SCAF11: variants seen among roughly 807,000 people sequenced by gnomAD.
SCAF11 encodes the protein SR-related CTD associated factor 11.
In SCAF11, 47 loss-of-function variants were observed where a neutral mutation model predicts 140.5. The ratio of observed to expected loss-of-function variants is 0.33; its 90% CI spans 0.26 to 0.43. The LOEUF is 0.43. Among genes scored for constraint, SCAF11 ranks in the 20% least tolerant of loss-of-function variants. The pLI, the probability that SCAF11 is intolerant of heterozygous loss-of-function variation, is 1.00. For missense variants in SCAF11, 1,645 were observed against 1,705.1 expected (o/e 0.96, Z 0.62); for synonymous variants, 557 against 579.4 (o/e 0.96, Z 0.55).
intron 6 of SCAF11, among the ~76,000 whole-genome samples, chr12:45,941,152 C>A (rs1216986935): frequency 6.6e-6 from 1 of 152,084 alleles, no homozygotes; most frequent in Non-Finnish European, 1.5e-5. Context: ...AAACTGTTCA[C>A]CATTAAAATA....
chr12:45,933,145 T>TAATG lies in SCAF11; in HGVS notation c.716_719dup (p.Leu240PhefsTer16). On this transcript the variant is annotated frameshift_variant, in exon 9 of 15. Coordinates refer to ENST00000369367, the MANE Select transcript of SCAF11 (RefSeq NM_004719.3). LOFTEE classifies it high-confidence loss of function. ...TTTATTTTTACCTTCCAATTCCAGG[T>TAATG]AATGTATCAGGAAACCATGACAATT... The TAATG allele has an allele frequency of 6.2e-7, 1 of 1,608,574 alleles. No individual in the cohort carries two copies. The highest frequency in any genetic ancestry group is 8.5e-7 in the Non-Finnish European group (1 of 1,177,096).
At chr12:45,960,542 T>C (rs1192549662) in intron 3 of SCAF11, 3 of 152,150 alleles carry the variant, frequency 2.0e-5, no homozygotes, top group African/African-American at 4.8e-5. Flanking sequence ...GAGAGAGATT[T>C]ACCAACCATA....
intron 3 of SCAF11, among the ~76,000 whole-genome samples, 181 bp from the exon 4 acceptor site, chr12:45,951,908 T>C (rs548759061): frequency 3.3e-5 from 5 of 152,324 alleles, no homozygotes; most frequent in African/African-American, 9.6e-5. Flanking sequence ...GTATGCTAGA[T>C]AGTTGGAATA....
intron 3 of SCAF11, 148 bp from the exon 4 acceptor site, chr12:45,951,875 C>G (rs1945558630): frequency 9.4e-6 from 5 of 529,744 alleles, no homozygotes; most frequent in Non-Finnish European, 1.7e-5. Flanking sequence ...TTCATTCATT[C>G]AAACATTTAC....
chr12:45,933,050 G>A (rs1178805741), intron 9 of SCAF11, 81 bp downstream of exon 9: 1 of 888,854 alleles, frequency 1.1e-6, no homozygotes, highest in Admixed American at 2.4e-5. Flanking sequence ...AATTGAATAA[G>A]GTACCCTTGT....
intron 11 of SCAF11, among the ~76,000 whole-genome samples, chr12:45,925,310 TG>T (rs1944832748): frequency 6.6e-6 from 1 of 152,132 alleles, no homozygotes; most frequent in Non-Finnish European, 1.5e-5. Flanking sequence ...CCCAGCACTT[TG>T]GGAGGCCAAG....
intron 5 of SCAF11, among the ~76,000 whole-genome samples, chr12:45,947,678 A>C (rs1945455633): frequency 6.6e-6 from 1 of 152,094 alleles, no homozygotes; most frequent in East Asian, 1.9e-4. Flanking sequence ...AAGCATTCAG[A>C]ATTTTGGTTT....
intron 6 of SCAF11, among the ~76,000 whole-genome samples, chr12:45,936,977 T>C (rs1256497053): frequency 7.8e-6 from 1 of 128,006 alleles, no homozygotes; most frequent in Non-Finnish European, 1.5e-5. Context: ...CCCAATCCTC[T>C]ATGTGGTCTG....
chr12:45,945,425 G>A (rs1047762673), intron 5 of SCAF11, 112 bp from the exon 6 acceptor site: 2 of 646,810 alleles, frequency 3.1e-6, no homozygotes, highest in African/African-American at 1.9e-5. Flanking sequence ...CACTGATTTT[G>A]GTAACTATGC....
chr12:45,923,191 T>G lies in SCAF11; in HGVS notation c.3907-37A>C, dbSNP rs551181161. ...AGTTATCATCAGTTAATGAATTACT[T>G]GTACTCGATAGAAGTCTTTTAGTGA... On this transcript the variant is annotated intron_variant, in intron 12 of 14. Coordinates refer to ENST00000369367, the MANE Select transcript of SCAF11 (RefSeq NM_004719.3). The G allele has an allele frequency of 1.2e-5, 19 of 1,558,632 alleles. No individual in the cohort carries two copies. In the African/African-American group the frequency reaches 1.5e-4, roughly 12 times the overall value.
At chr12:45,930,457 T>G (rs1295760909) in intron 10 of SCAF11, among the ~76,000 whole-genome samples, 3 of 126,274 alleles carry the variant, frequency 2.4e-5, no homozygotes, top group Non-Finnish European at 4.8e-5. Flanking sequence ...TTTTTTTTTG[T>G]TTTTTTTTTT....
At chr12:45,951,243 C>A (rs1032137727) in intron 4 of SCAF11, among the ~76,000 whole-genome samples, 2 of 152,062 alleles carry the variant, frequency 1.3e-5, no homozygotes, top group African/African-American at 2.4e-5. Flanking sequence ...TCTAATACTT[C>A]ATTTCAAACA....
chr12:45,943,419 A>G (rs1945350726), intron 6 of SCAF11, among the ~76,000 whole-genome samples: 1 of 152,198 alleles, frequency 6.6e-6, no homozygotes, highest in Admixed American at 6.6e-5. Context: ...GTACAATAAG[A>G]AATTTTGAGA....
At chr12:45,956,215 T>G (rs1313195559) in intron 3 of SCAF11, 1 of 713,336 alleles carries the variant, frequency 1.4e-6, no homozygotes, top group Non-Finnish European at 2.6e-6. Context: ...GAAACAAGTG[T>G]TAAGACAAGT....
chr12:45,940,860 T>TG (rs1565670036), intron 6 of SCAF11, among the ~76,000 whole-genome samples: 1 of 152,208 alleles, frequency 6.6e-6, no homozygotes, highest in Non-Finnish European at 1.5e-5. Flanking sequence ...TGGAGTGCAG[T>TG]GGCATGATCA....
intron 3 of SCAF11, chr12:45,955,128 A>AAAT (rs1032315121): frequency 1.3e-5 from 2 of 152,072 alleles, no homozygotes; most frequent in Non-Finnish European, 1.5e-5. Context: ...TAACACCAAA[A>AAAT]AATAAGTTAA....
At chr12:45,943,174 T>G (rs575599071) in intron 6 of SCAF11, among the ~76,000 whole-genome samples, 35 of 152,292 alleles carry the variant, frequency 2.3e-4, no homozygotes, top group Admixed American at 2.2e-3. Context: ...AAAAGTAACA[T>G]CACAGCAAAA....
At chr12:45,945,885 TCTCA>T (rs1301735753) in intron 5 of SCAF11, among the ~76,000 whole-genome samples, 2 of 151,886 alleles carry the variant, frequency 1.3e-5, no homozygotes, top group African/African-American at 4.8e-5. Flanking sequence ...AGACACGAGG[TCTCA>T]CTATGTTGCC....
In SCAF11 at chr12:45,984,419, C is replaced by T. The variant is rs935329197; in HGVS notation, c.-22+5934G>A. Among the ~76,000 whole-genome samples the T allele has an allele frequency of 2.6e-5, 4 of 152,008 alleles. No individual in the cohort carries two copies. The East Asian group carries it at 5.8e-4, about 22-fold the overall frequency. On this transcript the variant is annotated intron_variant, in intron 1 of 14. Coordinates refer to ENST00000369367, the MANE Select transcript of SCAF11 (RefSeq NM_004719.3). ...TATGATGTGTTTTTCTCATTGTGTC[C>T]TGTCAAATGGCATACAATTTCTGTT...
Sources: gnomAD v4.1 joint callset for allele counts (sites outside exome capture counted in the v4.1 genomes callset) on GRCh38, gnomAD v4.1.1 for gene constraint, MANE v1.5 for transcripts, NCBI Gene and HGNC (gene_info 2026-07-23, HGNC 2026-07-21) for gene names.